NKAIN2: variants seen among roughly 807,000 people sequenced by gnomAD.
NKAIN2 encodes the protein sodium/potassium transporting ATPase interacting 2, also known as sodium/potassium-transporting ATPase subunit beta-1-interacting protein 2.
A neutral mutation model predicts 32.6 loss-of-function variants in NKAIN2; 14 were observed. The ratio of observed to expected loss-of-function variants is 0.43; its 90% CI spans 0.28 to 0.67. The LOEUF is 0.67. Among genes scored for constraint, NKAIN2 ranks in the 30% least tolerant of loss-of-function variants. NKAIN2 has a pLI of 0.17. For missense variants in NKAIN2, 198 were observed against 258.3 expected, an observed-to-expected ratio of 0.77 and a Z score of 1.60; for synonymous variants, 80 against 87.2, an observed-to-expected ratio of 0.92 and a Z score of 0.46.
At chr6:124,282,831 T>C (rs1419555032) in intron 1 of NKAIN2, among the ~76,000 whole-genome samples, 174 bp from the exon 2 acceptor site, 1 of 152,236 alleles carries the variant, frequency 6.6e-6, no homozygotes, top group Non-Finnish European at 1.5e-5. Context: ...GATTCCATAG[T>C]GTTCCTTTGA....
At chr6:124,342,835 A>ATTATTATTATTG (rs1554284883) in intron 2 of NKAIN2, among the ~76,000 whole-genome samples, 4 of 149,858 alleles carry the variant, frequency 2.7e-5, no homozygotes, top group East Asian at 3.9e-4. Context: ...TATTATTATT[A>ATTATTATTATTG]TTATTATTAT....
At chr6:124,489,063 C>T (rs1410120508) in intron 3 of NKAIN2, among the ~76,000 whole-genome samples, 1 of 151,822 alleles carries the variant, frequency 6.6e-6, no homozygotes, top group Non-Finnish European at 1.5e-5. Context: ...ACAGTGTATT[C>T]CAAGAAAGTA....
intron 1 of NKAIN2, among the ~76,000 whole-genome samples, chr6:123,864,571 G>C (rs1291223251): frequency 6.6e-6 from 1 of 152,092 alleles, no homozygotes; most frequent in Non-Finnish European, 1.5e-5. Flanking sequence ...TTTTCATTTA[G>C]AGCGGTCAAG....
chr6:123,805,892 T>TTC (rs1773194447), intron 1 of NKAIN2, among the ~76,000 whole-genome samples: 9 of 152,168 alleles, frequency 5.9e-5, no homozygotes, highest in African/African-American at 1.7e-4. Flanking sequence ...AAATGTGATT[T>TTC]AACTTCTAAT....
intron 4 of NKAIN2, among the ~76,000 whole-genome samples, chr6:124,731,406 G>A (rs1223357576): frequency 6.6e-6 from 1 of 151,328 alleles, no homozygotes; most frequent in African/African-American, 2.4e-5. Flanking sequence ...CATGTCCTTT[G>A]TAGGGACATG....
At chr6:124,395,399 G>A (rs1773333624) in intron 3 of NKAIN2, among the ~76,000 whole-genome samples, 1 of 151,912 alleles carries the variant, frequency 6.6e-6, no homozygotes, top group Non-Finnish European at 1.5e-5. Context: ...CTTTATTTAT[G>A]GTTATAAGTG....
chr6:124,031,387 G>C (rs776930953), intron 1 of NKAIN2, among the ~76,000 whole-genome samples: 2 of 152,066 alleles, frequency 1.3e-5, no homozygotes, highest in African/African-American at 4.8e-5. Context: ...TTTTTGAAGG[G>C]TTTTTCTGTG....
At chr6:124,003,283 A>AT in intron 1 of NKAIN2, among the ~76,000 whole-genome samples, 1 of 152,210 alleles carries the variant, frequency 6.6e-6, no homozygotes, top group South Asian at 2.1e-4. Context: ...CATGTGCATT[A>AT]TTTTTTCTAA....
intron 3 of NKAIN2, among the ~76,000 whole-genome samples, chr6:124,468,549 T>C (rs1267619214): frequency 2.0e-5 from 3 of 152,200 alleles, no homozygotes; most frequent in African/African-American, 4.8e-5. Context: ...AAATTTCGAT[T>C]ACACATGGTT....
At chr6:124,740,446 A>ATGTGTG (rs1777148038) in intron 4 of NKAIN2, among the ~76,000 whole-genome samples, 1 of 36,270 alleles carries the variant, frequency 2.8e-5, no homozygotes, top group East Asian at 1.2e-3. Flanking sequence ...ACACATATAC[A>ATGTGTG]CGTGTGTGTG....
chr6:124,164,387 G>C (rs757187391), intron 1 of NKAIN2, among the ~76,000 whole-genome samples: 3 of 152,042 alleles, frequency 2.0e-5, no homozygotes, highest in African/African-American at 4.8e-5. Flanking sequence ...ACATCACACA[G>C]AGTACTTCCT....
chr6:123,844,642 G>A (rs1775017223), intron 1 of NKAIN2, among the ~76,000 whole-genome samples: 1 of 152,184 alleles, frequency 6.6e-6, no homozygotes, highest in African/African-American at 2.4e-5. Context: ...ATACTACATG[G>A]ATACATATGT....
intron 4 of NKAIN2, among the ~76,000 whole-genome samples, chr6:124,739,456 C>T (rs1017494027): frequency 1.3e-5 from 2 of 151,806 alleles, no homozygotes; most frequent in African/African-American, 4.8e-5. Context: ...AAGTGACCCA[C>T]AGGTAACTTA....
Position 124,514,895 on chromosome 6 carries a change from G to C in NKAIN2, c.274-143291G>C, listed in dbSNP as rs181611309. Among the ~76,000 whole-genome samples the C allele has an allele frequency of 4.1e-3, 619 of 152,196 alleles. 4 individuals are homozygous for C. The highest frequency in any genetic ancestry group is 8.7e-3 in the Admixed American group (133 of 15,278). On this transcript the variant is annotated intron_variant, in intron 3 of 6. Transcript: ENST00000368417. Reference sequence around the variant, plus strand: ...GAGACTACTGCATCAGAAAGTGGTGGTTCACTGACCTTTATCCACTAAAAG... The same window carrying C: ...GAGACTACTGCATCAGAAAGTGGTGCTTCACTGACCTTTATCCACTAAAAG...
intron 3 of NKAIN2, among the ~76,000 whole-genome samples, chr6:124,415,424 G>T (rs1774419578): frequency 6.6e-6 from 1 of 152,250 alleles, no homozygotes; most frequent in South Asian, 2.1e-4. Flanking sequence ...GGGATGGAGT[G>T]TGGAGCTTCC....
intron 1 of NKAIN2, among the ~76,000 whole-genome samples, chr6:124,238,282 A>G (rs1178322467): frequency 6.6e-6 from 1 of 152,116 alleles, no homozygotes; most frequent in Non-Finnish European, 1.5e-5. Context: ...ATTAAGAATA[A>G]AAGAAACATT....
rs570691217 is a variant in NKAIN2, at chr6:124,791,433, G to A, written c.535+34G>A. On this transcript the variant is annotated intron_variant, in intron 5 of 6. Transcript: ENST00000368417. ...TAAAGCTCTATTCTGTTTCTTTCAA[G>A]TTCAAAGCATCTCCTTTACTGCCTC... 124 of 1,453,642 alleles carry A rather than the reference G, an allele frequency of 8.5e-5. No individual in the cohort carries two copies. In the South Asian group the frequency reaches 1.4e-3, roughly 16 times the overall value. 90.0% of individuals were successfully genotyped at this position (1,453,642 alleles called of 1,614,324 possible). A position where few individuals can be genotyped will look rare whatever the true frequency, so the allele number is the denominator to read the frequency against.
intron 1 of NKAIN2, among the ~76,000 whole-genome samples, chr6:124,036,282 G>T (rs1781601537): frequency 6.6e-6 from 1 of 152,088 alleles, no homozygotes; most frequent in Non-Finnish European, 1.5e-5. Flanking sequence ...TGGCATTTGA[G>T]TTATGTATTT....
chr6:123,861,312 A>C (rs1391467131), intron 1 of NKAIN2, among the ~76,000 whole-genome samples: 1 of 152,242 alleles, frequency 6.6e-6, no homozygotes, highest in Non-Finnish European at 1.5e-5. Context: ...TCAGAAGCAA[A>C]GCTTTCTAAA....
Sources: allele counts gnomAD v4.1 joint callset (sites outside exome capture counted in the v4.1 genomes callset), GRCh38; gene constraint gnomAD v4.1.1; transcripts MANE v1.5; gene names NCBI Gene and HGNC (gene_info 2026-07-23, HGNC 2026-07-21).